Variants in MTHFD1L observed in about 807,000 individuals in gnomAD.
MTHFD1L encodes monofunctional C1-tetrahydrofolate synthase, mitochondrial.
A neutral mutation model predicts 119.5 loss-of-function variants in MTHFD1L; 81 were observed. That is an observed-to-expected ratio of 0.68 (90% CI 0.57 to 0.82). MTHFD1L has a LOEUF of 0.82. Ranked by LOEUF, MTHFD1L falls within the 40% of genes least tolerant of loss-of-function variation. MTHFD1L has a pLI of 0.00. For synonymous variants in MTHFD1L, 430 were observed against 475.2 expected, an observed-to-expected ratio of 0.90 and a Z score of 1.24; for missense variants, 1,125 against 1,253.4, an observed-to-expected ratio of 0.90 and a Z score of 1.55.
intron 24 of MTHFD1L, among the ~76,000 whole-genome samples, chr6:151,020,937 C>T (rs1039260081): frequency 7.2e-5 from 11 of 152,168 alleles, no homozygotes; most frequent in Admixed American, 1.3e-4. Flanking sequence ...GGCATGCCTC[C>T]GCACATCCCA....
At chr6:151,014,185 C>A (rs1024614293) in intron 22 of MTHFD1L, among the ~76,000 whole-genome samples, 1 of 151,980 alleles carries the variant, frequency 6.6e-6, no homozygotes, top group Non-Finnish European at 1.5e-5. Flanking sequence ...CCAGCCTGGA[C>A]GACAGAGTGA....
At chr6:151,092,000 C>T (rs954799379) in intron 26 of MTHFD1L, among the ~76,000 whole-genome samples, 1 of 152,040 alleles carries the variant, frequency 6.6e-6, no homozygotes, top group Admixed American at 6.6e-5. Flanking sequence ...TGAGGGAGAC[C>T]GGGGTGACGA....
rs563735543 is a variant in MTHFD1L, at chr6:151,092,401, C to T, written c.2848-66C>T. On this transcript the variant is annotated intron_variant, in intron 26 of 27. Coordinates refer to ENST00000367321, the MANE Select transcript of MTHFD1L (RefSeq NM_015440.5). ...TGTATTGAACGATAGAGTTAATTTGCATCATCAGATGTTGTGGCCGCTTTG... is the reference window on the plus strand; with the variant it reads ...TGTATTGAACGATAGAGTTAATTTGTATCATCAGATGTTGTGGCCGCTTTG... 18 of 1,209,370 alleles carry T rather than the reference C, an allele frequency of 1.5e-5. No homozygotes were observed. The South Asian group carries it at 1.7e-4, about 11-fold the overall frequency. The allele number at this position is 1,209,370 out of a possible 1,614,324, so 74.9% of individuals were successfully genotyped here.
At chr6:151,024,073 C>T (rs568643415) in intron 24 of MTHFD1L, among the ~76,000 whole-genome samples, 1 of 151,834 alleles carries the variant, frequency 6.6e-6, no homozygotes, top group South Asian at 2.1e-4. Context: ...CACAGGCTTC[C>T]AGTCTCCCCA....
Position 150,906,947 on chromosome 6 carries a change from A to T in MTHFD1L, c.892+1186A>T, listed in dbSNP as rs186968032. On this transcript the variant is annotated intron_variant, in intron 8 of 27. Transcript: ENST00000367321. Reference sequence around the variant, plus strand: ...CCTAATGGCTCTTTTTAACAAACAGAAAGCATGTACTAAATAACATTTTAA... The same window carrying T: ...CCTAATGGCTCTTTTTAACAAACAGTAAGCATGTACTAAATAACATTTTAA... Among the ~76,000 whole-genome samples, 691 of 152,212 alleles carry T rather than the reference A, an allele frequency of 4.5e-3. 8 individuals are homozygous for T. The highest frequency in any genetic ancestry group is 7.5e-3 in the Non-Finnish European group (512 of 68,020).
At position 151,100,730 on chromosome 6, in the gene MTHFD1L, G is replaced by A. The variant is rs923137653; in HGVS notation, c.*32-796G>A. ...CAATGAATCTTAATAGCCTTTGGGA[G>A]AAAGCAGCAAAGCTTTAATACTAAG... On this transcript the variant is annotated intron_variant, in intron 27 of 27. Coordinates refer to ENST00000367321, the MANE Select transcript of MTHFD1L (RefSeq NM_015440.5). Among the ~76,000 whole-genome samples, 50 of 151,688 alleles carry A rather than the reference G, an allele frequency of 3.3e-4. 1 individual carries two copies. Among genetic ancestry groups the A allele is most frequent in the Admixed American group, 2.8e-3 (43 of 15,226 alleles).
intron 13 of MTHFD1L, among the ~76,000 whole-genome samples, chr6:150,942,163 G>T (rs917504583): frequency 6.6e-6 from 1 of 152,176 alleles, no homozygotes; most frequent in Non-Finnish European, 1.5e-5. Flanking sequence ...GGAGGCGGAG[G>T]CAGGAGGATC....
chr6:150,963,865 A>G (rs760864826), intron 18 of MTHFD1L, among the ~76,000 whole-genome samples: 55 of 152,288 alleles, frequency 3.6e-4, no homozygotes, highest in Non-Finnish European at 5.3e-4. Context: ...GTGAGAAGGA[A>G]TTGGGAAAAA....
chr6:151,002,899 G>A (rs558818467), intron 20 of MTHFD1L, among the ~76,000 whole-genome samples: 17 of 152,300 alleles, frequency 1.1e-4, no homozygotes, highest in African/African-American at 3.8e-4. Flanking sequence ...TGTTGGCGGG[G>A]GGAGGGTCCC....
chr6:150,950,199 A>C (rs1291174524), intron 16 of MTHFD1L, among the ~76,000 whole-genome samples: 1 of 152,134 alleles, frequency 6.6e-6, no homozygotes, highest in African/African-American at 2.4e-5. Context: ...GCCATCGCAG[A>C]GCTTGGTCTT....
Position 150,887,840 on chromosome 6 carries a change from A to T in MTHFD1L, c.644-5A>T, listed in dbSNP as rs1408939709. ...TATAATATTGAATTTTCATTTGGTT[A>T]GTAGGTGTCAACCTAGATGGAAAGA... On this transcript the variant is annotated splice_polypyrimidine_tract_variant and splice_region_variant and intron_variant, in intron 6 of 27. Coordinates refer to ENST00000367321, the MANE Select transcript of MTHFD1L (RefSeq NM_015440.5). 2.5e-6 allele frequency: 4 copies of T among 1,586,368 alleles called. No homozygotes were observed. Among genetic ancestry groups the T allele is most frequent in the Non-Finnish European group, 3.4e-6 (4 of 1,170,860 alleles).
chr6:151,091,249 A>ACGCGACTGGG (rs1302026583), intron 26 of MTHFD1L, among the ~76,000 whole-genome samples: 4,166 of 151,674 alleles, frequency 0.027, 346 homozygotes, highest in African/African-American at 0.095. Flanking sequence ...GCATCGTTCC[A>ACGCGACTGGG]TGCGACTGGG....
chr6:150,903,203 A>ATTTTTTTTTTTTTTTTT (rs774695918), intron 7 of MTHFD1L, among the ~76,000 whole-genome samples: 3 of 85,474 alleles, frequency 3.5e-5, no homozygotes, highest in Non-Finnish European at 6.4e-5. Flanking sequence ...TGGCTGCAAA[A>ATTTTTTTTTTTTTTTTT]TTTTTTTTTT....
chr6:150,909,061 G>A (rs1786418546), intron 8 of MTHFD1L, among the ~76,000 whole-genome samples: 1 of 152,022 alleles, frequency 6.6e-6, no homozygotes, highest in Non-Finnish European at 1.5e-5. Flanking sequence ...GATTTATGAT[G>A]AGGCAATTCT....
chr6:150,939,086 A>C, intron 13 of MTHFD1L: 1 of 247,520 alleles, frequency 4.0e-6, no homozygotes, highest in Non-Finnish European at 8.0e-6. Flanking sequence ...TAAACTTCAA[A>C]AAATTCAGAA....
intron 26 of MTHFD1L, among the ~76,000 whole-genome samples, chr6:151,085,017 A>G (rs1376873810): frequency 1.1e-3 from 144 of 133,756 alleles, no homozygotes; most frequent in African/African-American, 3.6e-3. Context: ...ATATATTTAT[A>G]TATGTATATA....
At chr6:151,043,899 G>A (rs1276485046) in intron 26 of MTHFD1L, among the ~76,000 whole-genome samples, 2 of 152,214 alleles carry the variant, frequency 1.3e-5, no homozygotes, top group African/African-American at 2.4e-5. Flanking sequence ...TAAGAAAAGG[G>A]TCAAGCTTTA....
At chr6:151,041,221 T>C (rs991167679) in intron 26 of MTHFD1L, among the ~76,000 whole-genome samples, 2 of 152,194 alleles carry the variant, frequency 1.3e-5, no homozygotes, top group Non-Finnish European at 2.9e-5. Flanking sequence ...AGCAGGAAGC[T>C]GCATGTGTAG....
intron 26 of MTHFD1L, among the ~76,000 whole-genome samples, chr6:151,045,011 C>T (rs1358266486): frequency 2.0e-5 from 3 of 152,128 alleles, no homozygotes; most frequent in Non-Finnish European, 4.4e-5. Flanking sequence ...CTCAGTGTTT[C>T]GTTTCCTGCT....
Sources: gnomAD v4.1 joint callset for allele counts (sites outside exome capture counted in the v4.1 genomes callset) on GRCh38, gnomAD v4.1.1 for gene constraint, MANE v1.5 for transcripts, NCBI Gene and HGNC (gene_info 2026-07-23, HGNC 2026-07-21) for gene names.